ZC3H13: variants seen among roughly 807,000 people sequenced by gnomAD.
The protein encoded by ZC3H13 is zinc finger CCCH domain-containing protein 13.
Under a neutral mutation model 204.1 loss-of-function variants are expected in ZC3H13, and 64 were observed. That is an observed-to-expected ratio of 0.31 (90% CI 0.26 to 0.39). The LOEUF is 0.39. ZC3H13 is among the 10% of genes least tolerant of loss of function. The probability of loss-of-function intolerance (pLI) is 1.00; values close to 1 mark genes in which losing one functional copy is unlikely to be tolerated. For synonymous variants in ZC3H13, 667 were observed against 693.7 expected, an observed-to-expected ratio of 0.96 and a Z score of 0.60; for missense variants, 1,833 against 2,082.7, an observed-to-expected ratio of 0.88 and a Z score of 2.33.
chr13:46,045,329 A>G (rs1366446297), intron 2 of ZC3H13, 62 bp downstream of exon 2: 1 of 1,386,108 alleles, frequency 7.2e-7, no homozygotes, highest in Non-Finnish European at 1.0e-6. Flanking sequence ...TTATGATACA[A>G]ATAAGCATTT....
chr13:45,985,153 T>C, intron 10 of ZC3H13, 144 bp downstream of exon 10: 2 of 930,422 alleles, frequency 2.1e-6, no homozygotes, highest in Non-Finnish European at 1.5e-6. Context: ...CAATTAGGAA[T>C]TTATAAGGAA....
intron 7 of ZC3H13, among the ~76,000 whole-genome samples, chr13:46,006,084 C>CAA (rs71074745): frequency 1.4e-5 from 2 of 145,316 alleles, no homozygotes; most frequent in Non-Finnish European, 1.5e-5. Flanking sequence ...GACTCTGTCC[C>CAA]AAAAAAAAAA....
chr13:46,010,895 T>C (rs948915419), intron 6 of ZC3H13, among the ~76,000 whole-genome samples: 1 of 151,906 alleles, frequency 6.6e-6, no homozygotes, highest in Non-Finnish European at 1.5e-5. Flanking sequence ...CAAAAAAAGT[T>C]TGAAATAAAA....
intron 1 of ZC3H13, among the ~76,000 whole-genome samples, chr13:46,048,504 C>A (rs1360710421): frequency 7.0e-6 from 1 of 143,288 alleles, no homozygotes; most frequent in Non-Finnish European, 1.5e-5. Flanking sequence ...TGGCGTGAAC[C>A]CGGGAGGCGG....
chr13:45,975,553 T>C lies in ZC3H13; in HGVS notation c.2198A>G (p.His733Arg), dbSNP rs1952962639. 2 of 1,587,224 alleles carry C rather than the reference T, an allele frequency of 1.3e-6. No individual in the cohort carries two copies. The highest frequency in any genetic ancestry group is 1.1e-5 in the South Asian group (1 of 88,772). ...CCTCTCTCTTTCCCGCTCTCGATCG[T>C]GGTCTCGGTCTCTATCCCTTTCACG... is the stretch of plus-strand genomic sequence containing the variant. ...RDRERDRDRD[H>R]DRERERERER... The change falls in exon 12 of 19, where the codon CAC becomes CGC. Residue 733 changes from histidine (H) to arginine (R), a missense_variant. By Grantham distance (29) the His-to-Arg change is conservative (BLOSUM62 0). Coordinates refer to ENST00000679008, the MANE Select transcript of ZC3H13 (RefSeq NM_001330564.2).
rs541765413 is a variant in ZC3H13 at position 45,997,534 on chromosome 13, A to G, written c.944+5605T>C. On this transcript the variant is annotated intron_variant, in intron 8 of 18. Transcript: ENST00000679008. ...AAAATCCACCAGTGGACTTCGGGTT[A>G]GAAGCACCTGATACAGAACGTTGGA... Among the ~76,000 whole-genome samples the G allele has an allele frequency of 2.6e-4, 39 of 152,346 alleles. 1 individual carries two copies. The highest frequency in any genetic ancestry group is 2.2e-3 in the Admixed American group (33 of 15,300).
chr13:45,963,755 T>C, intron 17 of ZC3H13, 87 bp downstream of exon 17: 1 of 1,569,870 alleles, frequency 6.4e-7, no homozygotes, highest in East Asian at 2.2e-5. Flanking sequence ...CAGTGTTAAG[T>C]GCTACATAAG....
intron 17 of ZC3H13, 133 bp downstream of exon 17, chr13:45,963,709 G>C (rs1951857279): frequency 6.7e-7 from 1 of 1,494,324 alleles, no homozygotes; most frequent in Non-Finnish European, 8.9e-7. Flanking sequence ...GTTAAATAAT[G>C]ATTATAAAAT....
intron 14 of ZC3H13, 142 bp from the exon 15 acceptor site, chr13:45,968,170 T>C (rs1358365251): frequency 5.7e-6 from 4 of 699,570 alleles, no homozygotes; most frequent in Non-Finnish European, 8.6e-6. Context: ...TGTCTCTATA[T>C]GTTCTATATA....
chr13:46,006,009 C>T (rs1015277626), intron 7 of ZC3H13, among the ~76,000 whole-genome samples: 8 of 151,602 alleles, frequency 5.3e-5, no homozygotes, highest in South Asian at 4.2e-4. Flanking sequence ...GCAGAAGAAC[C>T]GCTTGAACCC....
At chr13:46,000,378 C>T (rs2040656156) in intron 8 of ZC3H13, among the ~76,000 whole-genome samples, 1 of 152,246 alleles carries the variant, frequency 6.6e-6, no homozygotes, top group Non-Finnish European at 1.5e-5. Context: ...GCTTCTTCAT[C>T]AGCATGTGCT....
intron 4 of ZC3H13, among the ~76,000 whole-genome samples, chr13:46,028,557 C>G (rs2138939496): frequency 1.3e-5 from 2 of 152,314 alleles, no homozygotes; most frequent in Admixed American, 6.5e-5. Flanking sequence ...AGATCACATT[C>G]TGGGCCATAA....
chr13:45,969,519 T>C lies in ZC3H13; in HGVS notation c.3025A>G (p.Lys1009Glu). The change falls in exon 14 of 19, where the codon AAA (lysine) becomes GAA (glutamate). Residue 1009 changes from lysine (K) to glutamate (E), a missense_variant. Physicochemically the swap from Lys to Glu is moderately conservative, Grantham distance 56. This residue lies in a region of ZC3H13 where 1,574 missense variants were observed against 1,757.2 expected (regional missense o/e 0.90). Transcript: ENST00000679008. ...KKKSIEKKRK[K>E]SKGDSDISDE... ...GAAATATCAGAATCACCTTTGGATT[T>C]TTTACGTTTTTTTTCAATGCTTTTC... 6.2e-7 allele frequency: 1 copy of C among 1,602,744 alleles called. No individual in the cohort carries two copies. Among genetic ancestry groups the C allele is most frequent in the Non-Finnish European group, 8.5e-7 (1 of 1,177,282 alleles).
chr13:45,965,513 C>T (rs1328858726), intron 15 of ZC3H13, 81 bp from the exon 16 acceptor site: 3 of 1,412,970 alleles, frequency 2.1e-6, no homozygotes, highest in Non-Finnish European at 2.9e-6. Flanking sequence ...GTAGAGGGTA[C>T]ACACATTATA....
At chr13:45,957,911 G>C (rs58086129) in intron 18 of ZC3H13, among the ~76,000 whole-genome samples, 1 of 152,270 alleles carries the variant, frequency 6.6e-6, no homozygotes, top group African/African-American at 2.4e-5. Flanking sequence ...ACTAAAATAT[G>C]TATCTATATT....
At chr13:45,964,901 G>T (rs1951962926) in intron 16 of ZC3H13, among the ~76,000 whole-genome samples, 1 of 152,128 alleles carries the variant, frequency 6.6e-6, no homozygotes, top group East Asian at 1.9e-4. Context: ...TTTTTGACAG[G>T]TTGTTTAAAA....
intron 1 of ZC3H13, among the ~76,000 whole-genome samples, chr13:46,047,551 C>T (rs1566371869): frequency 1.3e-5 from 2 of 152,020 alleles, no homozygotes; most frequent in African/African-American, 2.4e-5. Context: ...TGTGAACATA[C>T]GGAGGAGAAG....
chr13:45,983,248 AAC>A (rs1051859412), intron 10 of ZC3H13, among the ~76,000 whole-genome samples: 9 of 151,566 alleles, frequency 5.9e-5, no homozygotes, highest in Non-Finnish European at 1.0e-4. Flanking sequence ...ACTGACTTTC[AAC>A]AGAGTATTTT....
chr13:46,004,908 T>A (rs2041023084), intron 7 of ZC3H13, among the ~76,000 whole-genome samples: 1 of 152,232 alleles, frequency 6.6e-6, no homozygotes, highest in South Asian at 2.1e-4. Flanking sequence ...ATTTAAGTAA[T>A]TTTAAGTAAA....
Sources: gnomAD v4.1 joint callset for allele counts (sites outside exome capture counted in the v4.1 genomes callset) on GRCh38, gnomAD v4.1.1 for gene constraint, gnomAD v4.1.1 regional missense constraint, MANE v1.5 for transcripts, NCBI Gene and HGNC (gene_info 2026-07-23, HGNC 2026-07-21) for gene names.